MYLK: variants seen among roughly 807,000 people sequenced by gnomAD.
MYLK encodes myosin light chain kinase.
In MYLK, 106 loss-of-function variants were observed where a neutral mutation model predicts 203.4. The observed-to-expected ratio is 0.52, with a 90% confidence interval of 0.45 to 0.61. The LOEUF is 0.61. Among genes scored for constraint, MYLK ranks in the 20% least tolerant of loss-of-function variants. The pLI is 0.00. For synonymous variants in MYLK, 867 were observed against 959.5 expected (o/e 0.90, Z 1.78); for missense variants, 2,072 against 2,442.3 (o/e 0.85, Z 3.20).
intron 3 of MYLK, among the ~76,000 whole-genome samples, chr3:123,821,621 A>T (rs932337812): frequency 1.3e-5 from 2 of 152,172 alleles, no homozygotes; most frequent in African/African-American, 4.8e-5. Context: ...GTAGGGGCTC[A>T]ACTGCTGGTC....
At chr3:123,848,189 T>C (rs1321607292) in intron 2 of MYLK, among the ~76,000 whole-genome samples, 1 of 151,898 alleles carries the variant, frequency 6.6e-6, no homozygotes, top group Non-Finnish European at 1.5e-5. Flanking sequence ...TGATGTTTAT[T>C]ATCAATTTCA....
intron 2 of MYLK, among the ~76,000 whole-genome samples, chr3:123,840,313 G>T (rs1411718982): frequency 6.6e-6 from 1 of 150,658 alleles, no homozygotes; most frequent in African/African-American, 2.4e-5. Context: ...AAGAAAGATG[G>T]TACAAAAATA....
chr3:123,665,684 G>C (rs376927752), intron 22 of MYLK, among the ~76,000 whole-genome samples: 7 of 152,202 alleles, frequency 4.6e-5, no homozygotes, highest in East Asian at 3.8e-4. Flanking sequence ...TTCAAACATT[G>C]TTCCATAGGA....
intron 2 of MYLK, among the ~76,000 whole-genome samples, chr3:123,859,671 A>C (rs1414478217): frequency 1.3e-5 from 2 of 152,276 alleles, no homozygotes; most frequent in Non-Finnish European, 2.9e-5. Flanking sequence ...CAAGGAGTAA[A>C]AGACAAATCG....
intron 4 of MYLK, among the ~76,000 whole-genome samples, chr3:123,754,042 C>T (rs2108888942): frequency 6.6e-6 from 1 of 152,314 alleles, no homozygotes; most frequent in East Asian, 1.9e-4. Flanking sequence ...CAGGCCTGGG[C>T]ATCCAAATAC....
At chr3:123,838,903 T>A (rs1215333004) in intron 2 of MYLK, among the ~76,000 whole-genome samples, 1 of 152,142 alleles carries the variant, frequency 6.6e-6, no homozygotes, top group Non-Finnish European at 1.5e-5. Flanking sequence ...GAGACCAGCC[T>A]GGCCAACATG....
chr3:123,701,402 G>C (rs373796759), intron 17 of MYLK, 36 bp downstream of exon 17: 1 of 1,605,332 alleles, frequency 6.2e-7, no homozygotes, highest in Non-Finnish European at 8.5e-7. Context: ...GGGGATGGGG[G>C]CATGGCCTGG....
chr3:123,756,224 G>A (rs868032786), intron 4 of MYLK, among the ~76,000 whole-genome samples: 46 of 152,140 alleles, frequency 3.0e-4, no homozygotes, highest in African/African-American at 1.0e-3. Context: ...ATTCATAAGC[G>A]TCTATCTCCA....
intron 24 of MYLK, among the ~76,000 whole-genome samples, chr3:123,650,604 G>A (rs1421431385): frequency 3.3e-5 from 5 of 152,152 alleles, no homozygotes; most frequent in African/African-American, 7.2e-5. Context: ...AAAGGAAGCT[G>A]CCATGGAAAA....
intron 1 of MYLK, among the ~76,000 whole-genome samples, chr3:123,881,295 C>T (rs1366305354): frequency 6.6e-6 from 1 of 152,182 alleles, no homozygotes; most frequent in African/African-American, 2.4e-5. Context: ...GCCTAAGCAT[C>T]CACATGGACA....
intron 3 of MYLK, among the ~76,000 whole-genome samples, chr3:123,803,046 C>T (rs141417991): frequency 6.7e-4 from 102 of 152,228 alleles, no homozygotes; most frequent in African/African-American, 2.3e-3. Context: ...GCCTCACAAC[C>T]CTTAGCCCAC....
At chr3:123,806,993 T>G (rs1021606581) in intron 3 of MYLK, among the ~76,000 whole-genome samples, 7 of 151,836 alleles carry the variant, frequency 4.6e-5, no homozygotes, top group African/African-American at 1.7e-4. Context: ...ATAGCACCAC[T>G]TTATGGATGG....
rs563205287 is a variant in MYLK at position 123,708,998 on chromosome 3, A to G, written c.1943-103T>C. 7.5e-6 allele frequency: 7 copies of G among 934,126 alleles called. No homozygotes were observed. In the South Asian group the frequency reaches 7.8e-5, roughly 10 times the overall value. 57.9% of individuals were successfully genotyped at this position (934,126 alleles called of 1,614,324 possible). A position where few individuals can be genotyped will look rare whatever the true frequency, so the allele number is the denominator to read the frequency against. ...TGATATTGGATGAAACACTCCAACA[A>G]CTCTCTATGCTTTCACTTCCCCATC... On this transcript the variant is annotated intron_variant, in intron 14 of 33. Transcript: ENST00000360304.
At position 123,707,513 on chromosome 3, in the gene MYLK, A is replaced by G. The variant is rs2061506950; in HGVS notation, c.2390+241T>C. On this transcript the variant is annotated intron_variant, in intron 16 of 33. Transcript: ENST00000360304. The stretch of plus-strand genomic sequence containing the variant: ...CCATACACCACATAATGGGGGAACA[A>G]GGATGTAACAAGACAGGATTCTGGG... Among the ~76,000 whole-genome samples, 4 of 152,208 alleles carry G rather than the reference A, an allele frequency of 2.6e-5. No homozygotes were observed. The South Asian group carries it at 8.3e-4, about 31-fold the overall frequency.
intron 2 of MYLK, among the ~76,000 whole-genome samples, chr3:123,833,874 C>CACTT (rs1390348264): frequency 6.6e-6 from 1 of 152,038 alleles, no homozygotes; most frequent in Non-Finnish European, 1.5e-5. Context: ...GACACGAAGC[C>CACTT]ACTTCATCAG....
At chr3:123,641,750 G>A (rs72968592) in intron 27 of MYLK, among the ~76,000 whole-genome samples, 1 of 141,544 alleles carries the variant, frequency 7.1e-6, no homozygotes, top group Non-Finnish European at 1.5e-5. Context: ...TCCTCCCTCC[G>A]TCCCTCTCTT....
At chr3:123,744,105 C>A (rs530663237) in intron 5 of MYLK, among the ~76,000 whole-genome samples, 58 of 152,234 alleles carry the variant, frequency 3.8e-4, no homozygotes, top group African/African-American at 1.4e-3. Flanking sequence ...CCATGCGACC[C>A]TGATCAAAAT....
At chr3:123,852,511 T>G (rs932698327) in intron 2 of MYLK, among the ~76,000 whole-genome samples, 3 of 152,194 alleles carry the variant, frequency 2.0e-5, no homozygotes, top group African/African-American at 7.2e-5. Flanking sequence ...TCTAGTTTAT[T>G]TGTGTAGAGG....
At position 123,697,051 on chromosome 3, in the gene MYLK, G is replaced by A. The variant is rs566464878; in HGVS notation, c.3448+2969C>T. On this transcript the variant is annotated intron_variant, in intron 18 of 33. Transcript: ENST00000360304. Reference sequence around the variant, plus strand: ...CTTCCCACTTCCAGCAGCTCCTCCCGACACACTCATAGCACTTGTCAGCAC... The same window carrying A: ...CTTCCCACTTCCAGCAGCTCCTCCCAACACACTCATAGCACTTGTCAGCAC... Among the ~76,000 whole-genome samples the A allele has an allele frequency of 2.0e-4, 30 of 152,276 alleles. No homozygotes were observed. In the South Asian group the frequency reaches 6.0e-3, roughly 31 times the overall value.
Sources: allele counts gnomAD v4.1 joint callset (sites outside exome capture counted in the v4.1 genomes callset), GRCh38; gene constraint gnomAD v4.1.1; transcripts MANE v1.5; gene names NCBI Gene and HGNC (gene_info 2026-07-23, HGNC 2026-07-21).